The following DCUN1D4 variants were observed in gnomAD, a reference collection of about 807,000 sequenced individuals.
The protein encoded by DCUN1D4 is defective in cullin neddylation 1 domain containing 4.
DCUN1D4 carries 22 observed loss-of-function variants against 47.9 expected under a neutral mutation model. The ratio of observed to expected loss-of-function variants is 0.46; its 90% confidence interval spans 0.33 to 0.66. The LOEUF is 0.66. DCUN1D4 is among the 30% of genes least tolerant of loss of function. DCUN1D4 has a pLI of 0.02. For synonymous variants in DCUN1D4, 121 were observed against 112.2 expected (o/e 1.08, Z -0.50); for missense variants, 301 against 340.8 (o/e 0.88, Z 0.92).
At chr4:51,861,150 C>T (rs527614313) in intron 1 of DCUN1D4, among the ~76,000 whole-genome samples, 1 of 152,306 alleles carries the variant, frequency 6.6e-6, no homozygotes, top group East Asian at 1.9e-4. Context: ...TTTTTATCCT[C>T]ACTTTACAGA....
In DCUN1D4 at chr4:51,843,259, C is replaced by T. The variant is rs1313863746; in HGVS notation, c.17C>T (p.Ala6Val). The T allele has an allele frequency of 1.6e-5, 24 of 1,542,308 alleles. No individual in the cohort carries two copies. Among genetic ancestry groups the T allele is most frequent in the Non-Finnish European group, 2.0e-5 (23 of 1,144,030 alleles). The change falls in exon 1 of 11, where the codon GCC becomes GTC. Residue 6 changes from alanine (A) to valine (V), a missense_variant. Ala to Val is a moderately conservative substitution (Grantham distance 64). Transcript: ENST00000334635. MHSDA[A>V]AVNFQLNSHL... ...TGCCTGAAAATGCACTCGGATGCCGCCGCTGTCAGTGAGTAGCAGAGAGCC... is the reference window on the plus strand; with the variant it reads ...TGCCTGAAAATGCACTCGGATGCCGTCGCTGTCAGTGAGTAGCAGAGAGCC...
At chr4:51,873,298 T>G (rs1358825153) in intron 3 of DCUN1D4, among the ~76,000 whole-genome samples, 1 of 152,212 alleles carries the variant, frequency 6.6e-6, no homozygotes, top group Non-Finnish European at 1.5e-5. Flanking sequence ...GTCTGTTAAG[T>G]AGAAATAATT....
chr4:51,883,470 AAAGC>A (rs1329445961), intron 5 of DCUN1D4, among the ~76,000 whole-genome samples: 2 of 152,220 alleles, frequency 1.3e-5, no homozygotes, highest in African/African-American at 4.8e-5. Flanking sequence ...CAAACCAAAG[AAAGC>A]AGGCAATATA....
chr4:51,866,734 G>T (rs147087078), intron 3 of DCUN1D4, among the ~76,000 whole-genome samples: 103 of 152,302 alleles, frequency 6.8e-4, no homozygotes, highest in Admixed American at 1.7e-3. Context: ...AACCCAAAGT[G>T]TGGCACTTGA....
At chr4:51,844,341 G>A in intron 1 of DCUN1D4, 2 of 984,946 alleles carry the variant, frequency 2.0e-6, no homozygotes, top group East Asian at 1.2e-4. Flanking sequence ...TGGAGGAGAC[G>A]GGGTAAGTGC....
chr4:51,891,859 C>T lies in DCUN1D4; in HGVS notation c.506+8C>T. 6.3e-7 allele frequency: 1 copy of T among 1,590,542 alleles called. No homozygotes were observed. Among genetic ancestry groups the T allele is most frequent in the African/African-American group, 1.3e-5 (1 of 74,196 alleles). Reference sequence around the variant, plus strand: ...AGGAATGACTTCTCTCCAGTAAGTCCTAGGCTGCACTAGTGGGGGTCCCTG... The same window carrying T: ...AGGAATGACTTCTCTCCAGTAAGTCTTAGGCTGCACTAGTGGGGGTCCCTG... On this transcript the variant is annotated splice_region_variant and intron_variant, in intron 7 of 10. Coordinates refer to ENST00000334635, the MANE Select transcript of DCUN1D4 (RefSeq NM_001040402.3).
chr4:51,877,935 T>C, intron 5 of DCUN1D4, 81 bp downstream of exon 5: 1 of 998,310 alleles, frequency 1.0e-6, no homozygotes, highest in Non-Finnish European at 1.5e-6. Flanking sequence ...AATTTAAAAA[T>C]GTGTACATTT....
intron 3 of DCUN1D4, among the ~76,000 whole-genome samples, chr4:51,871,852 AGTG>A: frequency 6.6e-6 from 1 of 152,312 alleles, no homozygotes; most frequent in Non-Finnish European, 1.5e-5. Flanking sequence ...AATATGCTTT[AGTG>A]GTGTTTGTGA....
At chr4:51,857,997 G>A (rs1414260825) in intron 1 of DCUN1D4, among the ~76,000 whole-genome samples, 1 of 152,156 alleles carries the variant, frequency 6.6e-6, no homozygotes, top group African/African-American at 2.4e-5. Context: ...GGGAGAGGAT[G>A]ATGACAAATA....
chr4:51,875,057 C>T (rs562358533), intron 4 of DCUN1D4: 6 of 152,172 alleles, frequency 3.9e-5, no homozygotes, highest in Non-Finnish European at 7.3e-5. Context: ...CCCATTCTGG[C>T]TTTGTGGGTC....
intron 1 of DCUN1D4, chr4:51,848,095 T>C (rs1722827669): frequency 1.3e-6 from 1 of 772,524 alleles, no homozygotes; most frequent in Non-Finnish European, 1.8e-6. Context: ...TGTCTTTCAT[T>C]ATCTTTAGAT....
At chr4:51,842,211 G>A (rs141871139), upstream of DCUN1D4, among the ~76,000 whole-genome samples, 1 of 152,280 alleles carries the variant, frequency 6.6e-6, no homozygotes, top group East Asian at 1.9e-4. Context: ...GGGAGTGACA[G>A]GTTTTCTTAG....
chr4:51,876,614 T>C (rs557805579), intron 4 of DCUN1D4, among the ~76,000 whole-genome samples: 2 of 152,252 alleles, frequency 1.3e-5, no homozygotes, highest in East Asian at 3.9e-4. Flanking sequence ...CAATACAAGT[T>C]TAAACTGCAC....
intron 7 of DCUN1D4, among the ~76,000 whole-genome samples, chr4:51,897,272 T>G (rs1253257963): frequency 6.6e-6 from 1 of 152,250 alleles, no homozygotes; most frequent in Non-Finnish European, 1.5e-5. Context: ...TTGCAGGCTT[T>G]TAGATAGTTT....
At chr4:51,838,650 TG>T (rs1721555766), upstream of DCUN1D4, among the ~76,000 whole-genome samples, 1 of 152,152 alleles carries the variant, frequency 6.6e-6, no homozygotes, top group African/African-American at 2.4e-5. Context: ...CCGAAAGTGC[TG>T]GGGTTTCAGG....
intron 8 of DCUN1D4, among the ~76,000 whole-genome samples, chr4:51,907,355 G>C (rs1436509314): frequency 6.6e-6 from 1 of 152,096 alleles, no homozygotes; most frequent in Non-Finnish European, 1.5e-5. Context: ...TGTATTTTTG[G>C]TTTCATAAAC....
At chr4:51,878,016 G>A in intron 5 of DCUN1D4, 162 bp downstream of exon 5, 1 of 406,348 alleles carries the variant, frequency 2.5e-6, no homozygotes, top group South Asian at 6.2e-5. Context: ...CAAATCACCA[G>A]ATAGCCTATT....
intron 1 of DCUN1D4, among the ~76,000 whole-genome samples, chr4:51,859,546 A>G (rs1724688636): frequency 6.8e-6 from 1 of 146,566 alleles, no homozygotes; most frequent in Non-Finnish European, 1.5e-5. Context: ...TTTCTTACCT[A>G]GAGTAGTTTG....
At position 51,874,279 on chromosome 4, in the gene DCUN1D4, C is replaced by T. The variant is rs770330193; in HGVS notation, c.145C>T (p.Arg49Trp). The T allele has an allele frequency of 2.2e-5, 36 of 1,608,922 alleles. No individual in the cohort carries two copies. The South Asian group carries it at 2.7e-4, about 12-fold the overall frequency. The change falls in exon 4 of 11, where the codon CGG (arginine) becomes TGG (tryptophan). Residue 49 changes from arginine to tryptophan, a missense_variant. Physicochemically the swap from Arg to Trp is moderately radical, Grantham distance 101 (BLOSUM62 -3). Coordinates refer to ENST00000334635, the MANE Select transcript of DCUN1D4 (RefSeq NM_001040402.3). ...GQDDHQTGSL[R>W]SCSSSDCFNK... ...TTGAATTTGTTTTGTAGGAAGTCTG[C>T]GGTCTTGCAGTTCTTCAGACTGCTT...
Sources: gnomAD v4.1 joint callset for allele counts (sites outside exome capture counted in the v4.1 genomes callset) on GRCh38, gnomAD v4.1.1 for gene constraint, MANE v1.5 for transcripts, NCBI Gene and HGNC (gene_info 2026-07-23, HGNC 2026-07-21) for gene names.